SLC38A4: variants seen among roughly 807,000 people sequenced by gnomAD.
The protein encoded by SLC38A4 is sodium-coupled neutral amino acid transporter 4.
A neutral mutation model predicts 63.1 loss-of-function variants in SLC38A4; 20 were observed. The observed-to-expected ratio is 0.32, with a 90% CI of 0.22 to 0.46. The LOEUF (loss-of-function observed/expected upper bound fraction) is 0.46, where lower values mean the gene tolerates loss of function less well. SLC38A4 is among the 20% of genes least tolerant of loss of function. SLC38A4 has a pLI of 1.00. For synonymous variants in SLC38A4, 230 were observed against 225.5 expected (o/e 1.02, Z -0.18); for missense variants, 526 against 663.6 (o/e 0.79, Z 2.28).
At chr12:46,825,502 A>T (rs1939631457) in intron 1 of SLC38A4, among the ~76,000 whole-genome samples, 1 of 152,198 alleles carries the variant, frequency 6.6e-6, no homozygotes, top group South Asian at 2.1e-4. Flanking sequence ...CAGGACTGCA[A>T]TAAAATAGCT....
intron 1 of SLC38A4, among the ~76,000 whole-genome samples, chr12:46,804,964 A>G (rs1445350719): frequency 6.6e-6 from 1 of 152,050 alleles, no homozygotes; most frequent in East Asian, 1.9e-4. Flanking sequence ...AAGTTACCAG[A>G]TAAATAAAAG....
intron 14 of SLC38A4, 102 bp from the exon 15 acceptor site, chr12:46,769,530 T>A: frequency 1.5e-6 from 2 of 1,290,608 alleles, no homozygotes; most frequent in Non-Finnish European, 2.1e-6. Flanking sequence ...TTCCTTTTCT[T>A]TTTTCCCAGA....
chr12:46,767,680 A>G lies in SLC38A4; in HGVS notation c.1542+630T>C, dbSNP rs1308991315. Among the ~76,000 whole-genome samples, 3 of 152,170 alleles carry G rather than the reference A, an allele frequency of 2.0e-5. No homozygotes were observed. The East Asian group carries it at 5.8e-4, about 29-fold the overall frequency. On this transcript the variant is annotated intron_variant, in intron 16 of 16. Transcript: ENST00000266579. ...TAAGAAATATTCTTTTCAAGCCTTA[A>G]CATGACTTTATTAAGGAGTGAAAGA... is the stretch of plus-strand genomic sequence containing the variant.
intron 2 of SLC38A4, among the ~76,000 whole-genome samples, chr12:46,795,979 C>T (rs931266770): frequency 6.6e-6 from 1 of 151,978 alleles, no homozygotes; most frequent in South Asian, 2.1e-4. Flanking sequence ...AAAAAAAGTT[C>T]TACTATTTAA....
chr12:46,820,180 G>C (rs1235992220), intron 1 of SLC38A4, among the ~76,000 whole-genome samples: 1 of 151,880 alleles, frequency 6.6e-6, no homozygotes, highest in Admixed American at 6.6e-5. Context: ...CTTTTGTTTA[G>C]TTTTGTTTGA....
intron 7 of SLC38A4, among the ~76,000 whole-genome samples, chr12:46,782,517 CTA>C (rs1442565822): frequency 6.6e-6 from 1 of 151,770 alleles, no homozygotes; most frequent in Non-Finnish European, 1.5e-5. Flanking sequence ...AGGGGAAAAC[CTA>C]TGAGTAGTTA....
intron 13 of SLC38A4, among the ~76,000 whole-genome samples, chr12:46,776,353 T>G (rs1005721562): frequency 6.6e-6 from 1 of 151,976 alleles, no homozygotes; most frequent in African/African-American, 2.4e-5. Flanking sequence ...TGGTGGTGCA[T>G]TCTTAGATTG....
chr12:46,773,364 G>A (rs1592175271), intron 14 of SLC38A4, among the ~76,000 whole-genome samples: 1 of 152,126 alleles, frequency 6.6e-6, no homozygotes, highest in Non-Finnish European at 1.5e-5. Context: ...CTGTGGGGCA[G>A]TGGAGCACTT....
chr12:46,806,616 C>G (rs1250128862), intron 1 of SLC38A4, among the ~76,000 whole-genome samples: 1 of 151,986 alleles, frequency 6.6e-6, no homozygotes, highest in Non-Finnish European at 1.5e-5. Context: ...ATCACTTTCA[C>G]TAGCTCACAA....
chr12:46,778,839 A>G (rs951879495), intron 10 of SLC38A4, 63 bp from the exon 11 acceptor site: 2 of 1,502,700 alleles, frequency 1.3e-6, no homozygotes, highest in Non-Finnish European at 1.8e-6. Flanking sequence ...ATGAAATAAG[A>G]ATCCATATGT....
At position 46,766,779 on chromosome 12, in the gene SLC38A4, T is replaced by G; in HGVS notation, c.1566A>C (p.Gly522=). Residue 522 remains glycine (G), a synonymous_variant, in exon 17 of 17, where the codon GGA becomes GGC. Transcript: ENST00000266579. The part of the protein sequence containing the change: ...KVGALIFLVV[G]IFFMIGSMAL... ...CCATGCTTCCAATCATGAAGAATAT[T>G]CCAACCACAAGGAAAATTAAAGCCT... The G allele has an allele frequency of 6.2e-7, 1 of 1,611,080 alleles. No homozygotes were observed. Among genetic ancestry groups the G allele is most frequent in the Non-Finnish European group, 8.5e-7 (1 of 1,178,234 alleles).
chr12:46,815,941 C>A (rs1274475044), intron 1 of SLC38A4, among the ~76,000 whole-genome samples: 1 of 151,820 alleles, frequency 6.6e-6, no homozygotes, highest in African/African-American at 2.4e-5. Context: ...ACGTTTCATA[C>A]ATAGAAAGCC....
intron 1 of SLC38A4, among the ~76,000 whole-genome samples, chr12:46,817,081 A>C (rs1167542512): frequency 1.3e-5 from 2 of 151,846 alleles, no homozygotes; most frequent in African/African-American, 2.4e-5. Flanking sequence ...GCTTGTGTAT[A>C]TCTGTAAAAC....
intron 1 of SLC38A4, among the ~76,000 whole-genome samples, chr12:46,815,034 C>A (rs998978900): frequency 6.6e-6 from 1 of 151,668 alleles, no homozygotes; most frequent in South Asian, 2.1e-4. Context: ...CGTACCATGG[C>A]TTTGTGGCAT....
chr12:46,828,037 TC>T (rs568604655), upstream of SLC38A4, among the ~76,000 whole-genome samples: 25 of 152,232 alleles, frequency 1.6e-4, no homozygotes, highest in South Asian at 5.2e-3. Flanking sequence ...CACACCTCCC[TC>T]CCCAGCCTCC....
chr12:46,823,653 C>T (rs970487941), intron 1 of SLC38A4, among the ~76,000 whole-genome samples: 1 of 152,212 alleles, frequency 6.6e-6, no homozygotes, highest in Admixed American at 6.5e-5. Context: ...TGTGAATTGA[C>T]AATATGTCTC....
At chr12:46,825,715 A>C (rs1939636919) in intron 1 of SLC38A4, among the ~76,000 whole-genome samples, 188 bp downstream of exon 1, 1 of 152,166 alleles carries the variant, frequency 6.6e-6, no homozygotes, top group African/African-American at 2.4e-5. Flanking sequence ...GAATAGCACT[A>C]TCTAGCATGC....
At chr12:46,826,875 G>A (rs1453914327), upstream of SLC38A4, among the ~76,000 whole-genome samples, 1 of 152,072 alleles carries the variant, frequency 6.6e-6, no homozygotes, top group South Asian at 2.1e-4. Context: ...TTTTGCAAAG[G>A]CCTTTAGTAG....
At chr12:46,790,910 T>A (rs1938871995) in intron 3 of SLC38A4, among the ~76,000 whole-genome samples, 1 of 152,148 alleles carries the variant, frequency 6.6e-6, no homozygotes, top group African/African-American at 2.4e-5. Context: ...AAAACCCATC[T>A]CTTTAAACTG....
Sources: allele counts gnomAD v4.1 joint callset (sites outside exome capture counted in the v4.1 genomes callset), GRCh38; gene constraint gnomAD v4.1.1; transcripts MANE v1.5; gene names NCBI Gene and HGNC (gene_info 2026-07-23, HGNC 2026-07-21).